The following NCAPH variants were observed in gnomAD, a reference collection of about 807,000 sequenced individuals.
NCAPH encodes condensin complex subunit 2.
A neutral mutation model predicts 85.5 loss-of-function variants in NCAPH; 38 were observed. That is an observed-to-expected ratio of 0.44 (90% confidence interval 0.34 to 0.58). NCAPH has a LOEUF of 0.58. Among genes scored for constraint, NCAPH ranks in the 20% least tolerant of loss-of-function variants. The pLI is 0.01. For missense variants in NCAPH, 789 were observed against 916.6 expected (o/e 0.86, Z 1.80); for synonymous variants, 301 against 335.1 (o/e 0.90, Z 1.11).
chr2:96,373,202 T>G, intron 17 of NCAPH, 90 bp from the exon 18 acceptor site: 1 of 1,058,100 alleles, frequency 9.5e-7, no homozygotes, highest in Non-Finnish European at 1.4e-6. Context: ...CTTTCTTCTT[T>G]GTAGTCACTA....
rs1282576694 is a variant in NCAPH, at chr2:96,375,467, G to GTT, written c.*2117_*2118dup. On this transcript the variant is annotated 3_prime_UTR_variant, in exon 18 of 18. Coordinates refer to ENST00000240423, the MANE Select transcript of NCAPH (RefSeq NM_015341.5). The stretch of plus-strand genomic sequence containing the variant: ...AAAAGAGGCCTGAGGAAGCTTGTTC[G>GTT]TTCCTCTTGCCCTTCTGCCATGTAA... Among the ~76,000 whole-genome samples the GTT allele has an allele frequency of 6.6e-6, 1 of 152,120 alleles. No individual in the cohort carries two copies. The highest frequency in any genetic ancestry group is 1.5e-5 in the Non-Finnish European group (1 of 68,024).
intron 12 of NCAPH, among the ~76,000 whole-genome samples, chr2:96,362,887 T>G (rs1284977325): frequency 2.0e-5 from 3 of 152,308 alleles, no homozygotes; most frequent in Admixed American, 2.0e-4. Context: ...TGTTACATAG[T>G]CTTAGTTGAT....
At chr2:96,361,552 C>T (rs2064609494) in intron 12 of NCAPH, among the ~76,000 whole-genome samples, 5 of 151,772 alleles carry the variant, frequency 3.3e-5, no homozygotes, top group Admixed American at 2.6e-4. Flanking sequence ...CCTGGTGTTG[C>T]ACCCTGATTA....
chr2:96,338,466 C>G (rs2064245531), intron 1 of NCAPH, among the ~76,000 whole-genome samples: 1 of 152,184 alleles, frequency 6.6e-6, no homozygotes, highest in East Asian at 1.9e-4. Flanking sequence ...CTGAATAACA[C>G]TTGCCCTAAA....
intron 15 of NCAPH, among the ~76,000 whole-genome samples, chr2:96,368,352 GAGCTATAAATA>G (rs1302610799): frequency 6.6e-6 from 1 of 152,116 alleles, no homozygotes; most frequent in Non-Finnish European, 1.5e-5. Context: ...AGTCCAGTTG[GAGCTATAAATA>G]ATCATGGCTT....
Position 96,341,081 on chromosome 2 carries a change from G to A in NCAPH, c.20-561G>A, listed in dbSNP as rs2064288420. Among the ~76,000 whole-genome samples, 4 of 152,174 alleles carry A rather than the reference G, an allele frequency of 2.6e-5. No individual in the cohort carries two copies. The South Asian group carries it at 8.3e-4, about 32-fold the overall frequency. ...GAGGCTACATTTGACTGGTTAATGT[G>A]GTGACTGGTAGAGTTTTTATTGTAA... On this transcript the variant is annotated intron_variant, in intron 1 of 17. Transcript: ENST00000240423.
intron 1 of NCAPH, among the ~76,000 whole-genome samples, chr2:96,336,342 GAGAC>G (rs2064214588): frequency 6.6e-6 from 1 of 152,224 alleles, no homozygotes; most frequent in African/African-American, 2.4e-5. Flanking sequence ...TGGAGTTGGG[GAGAC>G]AGACAGTAAA....
intron 6 of NCAPH, among the ~76,000 whole-genome samples, chr2:96,346,451 A>G (rs1262146725): frequency 1.3e-5 from 2 of 152,128 alleles, no homozygotes; most frequent in African/African-American, 4.8e-5. Context: ...GGGTACAATC[A>G]TGGAGTAGGC....
At chr2:96,367,169 TTGAAC>T (rs2064711890) in intron 14 of NCAPH, 83 bp from the exon 15 acceptor site, 1 of 870,306 alleles carries the variant, frequency 1.1e-6, no homozygotes, top group South Asian at 1.5e-5. Flanking sequence ...CCTTCTTTAG[TTGAAC>T]TCCAGACCTT....
At chr2:96,342,224 A>G (rs1306189032) in intron 3 of NCAPH, 84 bp downstream of exon 3, 31 of 1,201,618 alleles carry the variant, frequency 2.6e-5, no homozygotes, top group Non-Finnish European at 3.8e-5. Flanking sequence ...TAGATAATGC[A>G]CAATCAATGA....
At chr2:96,350,884 C>T (rs1399806073) in intron 6 of NCAPH, among the ~76,000 whole-genome samples, 1 of 152,216 alleles carries the variant, frequency 6.6e-6, no homozygotes, top group African/African-American at 2.4e-5. Context: ...AGGTCACCTG[C>T]AGAGTCCCAG....
chr2:96,336,489 C>T (rs925493973), intron 1 of NCAPH, among the ~76,000 whole-genome samples: 5 of 152,104 alleles, frequency 3.3e-5, no homozygotes, highest in African/African-American at 7.2e-5. Context: ...GGAGCAAGTA[C>T]AAAAATGAGG....
chr2:96,363,700 T>A (rs1001254695), intron 12 of NCAPH, among the ~76,000 whole-genome samples: 6 of 152,196 alleles, frequency 3.9e-5, no homozygotes, highest in Admixed American at 6.5e-5. Context: ...CACGAGGCTC[T>A]GGAATACAGA....
At position 96,376,643 on chromosome 2, in the gene NCAPH, C is replaced by T. The variant is rs2064834518; in HGVS notation, c.*3292C>T. Among the ~76,000 whole-genome samples, 1 of 152,154 alleles carries T rather than the reference C, an allele frequency of 6.6e-6. No homozygotes were observed. The highest frequency in any genetic ancestry group is 1.5e-5 in the Non-Finnish European group (1 of 68,018). ...AGGATACTGGGTCATTTCAACACCA[C>T]AAGGATTTGCAGCATCTGCGGCAAC... On this transcript the variant is annotated 3_prime_UTR_variant, in exon 18 of 18. Transcript: ENST00000240423.
Position 96,368,999 on chromosome 2 carries a change from GC to G in NCAPH, c.2027del (p.Ala676GlyfsTer43). ...AAACCACAGGGAAGCTGGAAAAGAA[GC>G]GGCCCTGGCAGAAGTGGCTGACGAG... ...EANHREAGKE[A>X]ALAEVADEKM... On this transcript the variant is annotated frameshift_variant, in exon 16 of 18. Coordinates refer to ENST00000240423, the MANE Select transcript of NCAPH (RefSeq NM_015341.5). LOFTEE classifies it high-confidence loss of function. 6.4e-7 allele frequency: 1 copy of G among 1,555,770 alleles called. No homozygotes were observed.
rs148820630 is a variant in NCAPH at position 96,359,162 on chromosome 2, G to A, written c.1326G>A (p.Pro442=). The change falls in exon 10 of 18, where the codon CCG becomes CCA. Residue 442 remains proline (P), a synonymous_variant. Coordinates refer to ENST00000240423, the MANE Select transcript of NCAPH (RefSeq NM_015341.5). ...SPRTMSMWAG[P]DHWRFRPRRK... The stretch of plus-strand genomic sequence containing the variant: ...GGACCATGTCGATGTGGGCTGGCCC[G>A]GATCACTGGCGCTTTAGGCCTCGAC... 2.3e-5 allele frequency: 37 copies of A among 1,614,154 alleles called. No homozygotes were observed. Among genetic ancestry groups the A allele is most frequent in the South Asian group, 9.9e-5 (9 of 91,068 alleles).
In NCAPH at chr2:96,373,327, T is replaced by A. The variant is rs139592813; in HGVS notation, c.2202T>A (p.Asp734Glu). 101 of 1,614,036 alleles carry A rather than the reference T, an allele frequency of 6.3e-5. No homozygotes were observed. Among genetic ancestry groups the A allele is most frequent in the Admixed American group, 2.2e-4 (13 of 60,008 alleles). The stretch of plus-strand genomic sequence containing the variant: ...TGGAAGGAACAGAGGACCTCTCTGA[T>A]GTTCTTGTGAGGCAAGGAGATTGAG... ...LKLEGTEDLSDVLVRQGD is the reference protein window; with the variant it reads ...LKLEGTEDLSEVLVRQGD The change falls in exon 18 of 18, where the codon GAT becomes GAA. Residue 734 changes from aspartate to glutamate, a missense_variant. Transcript: ENST00000240423.
Position 96,338,296 on chromosome 2 carries a change from T to C in NCAPH, c.19+2448T>C, listed in dbSNP as rs1370393874. Among the ~76,000 whole-genome samples, 3 of 148,576 alleles carry C rather than the reference T, an allele frequency of 2.0e-5. No homozygotes were observed. In the Admixed American group the frequency reaches 2.0e-4, roughly 10 times the overall value. On this transcript the variant is annotated intron_variant, in intron 1 of 17. Transcript: ENST00000240423. ...AAAAGGAACATCCCCAAGTCTGCCA[T>C]TGCACCTGCTCCCTGCCTGCATCTG...
At chr2:96,341,219 G>A (rs2064290076) in intron 1 of NCAPH, among the ~76,000 whole-genome samples, 1 of 152,130 alleles carries the variant, frequency 6.6e-6, no homozygotes. Context: ...AGATATGGAG[G>A]AGCTGGAATT....
Sources: allele counts gnomAD v4.1 joint callset (sites outside exome capture counted in the v4.1 genomes callset), GRCh38; gene constraint gnomAD v4.1.1; transcripts MANE v1.5; gene names NCBI Gene and HGNC (gene_info 2026-07-23, HGNC 2026-07-21).